Variants in CRYM observed in about 807,000 individuals in gnomAD.
The protein encoded by CRYM is crystallin mu, also known as ketimine reductase mu-crystallin.
In CRYM, 18 loss-of-function variants were observed where a neutral mutation model predicts 32.9. That is an observed-to-expected ratio of 0.55 (90% CI 0.38 to 0.81). The LOEUF (loss-of-function observed/expected upper bound fraction) is 0.81, where lower values mean the gene tolerates loss of function less well. CRYM is among the 30% of genes least tolerant of loss of function. CRYM has a pLI of 0.00. For missense variants in CRYM, 337 were observed against 393.5 expected (o/e 0.86, Z 1.21); for synonymous variants, 153 against 152.4 (o/e 1.00, Z -0.03).
At chr16:21,263,014 C>T (rs2093357448) in intron 5 of CRYM, among the ~76,000 whole-genome samples, 1 of 152,200 alleles carries the variant, frequency 6.6e-6, no homozygotes. Flanking sequence ...ATTCCCATTC[C>T]TCACCCTCAA....
At chr16:21,263,082 C>T (rs2093357589) in intron 5 of CRYM, among the ~76,000 whole-genome samples, 1 of 152,044 alleles carries the variant, frequency 6.6e-6, no homozygotes, top group African/African-American at 2.4e-5. Context: ...CTCTGTTGCC[C>T]AGGCTGGAGT....
intron 3 of CRYM, among the ~76,000 whole-genome samples, chr16:21,272,636 T>C (rs1215638376): frequency 6.9e-6 from 1 of 145,854 alleles, no homozygotes; most frequent in Non-Finnish European, 1.5e-5. Flanking sequence ...TGTAGTTTCA[T>C]ATTTATTGGT....
intron 1 of CRYM, among the ~76,000 whole-genome samples, chr16:21,287,089 C>CAA (rs71151633): frequency 8.8e-6 from 1 of 113,348 alleles, no homozygotes. Context: ...GACTCCGTCT[C>CAA]AAAAAAAAAA....
chr16:21,258,933 C>T (rs2093349335), intron 7 of CRYM, 88 bp from the exon 8 acceptor site: 5 of 1,043,074 alleles, frequency 4.8e-6, no homozygotes, highest in South Asian at 1.3e-5. Flanking sequence ...TTTCCTGATA[C>T]ATGTCCATGT....
chr16:21,277,350 C>A lies in CRYM; in HGVS notation c.324+81G>T. 1 of 1,484,080 alleles carries A rather than the reference C, an allele frequency of 6.7e-7. No homozygotes were observed. The highest frequency in any genetic ancestry group is 9.3e-7 in the Non-Finnish European group (1 of 1,080,858). The allele number at this position is 1,484,080 out of a possible 1,614,324, so 91.9% of individuals were successfully genotyped here. ...GCACGCGTAGTCACAATCAAGACTC[C>A]CCCTGCTGCGGAGAACTTACTTTTG... On this transcript the variant is annotated intron_variant, in intron 2 of 7. Transcript: ENST00000572914. This position sits in a 1 kb window ranked among gnomAD's most constrained non-coding sequence, Gnocchi z 4.2.
intron 3 of CRYM, among the ~76,000 whole-genome samples, chr16:21,274,988 G>A (rs1208743502): frequency 2.0e-5 from 3 of 152,154 alleles, no homozygotes; most frequent in East Asian, 1.9e-4. Context: ...CTAACATTTA[G>A]AACAGTGCCT....
intron 3 of CRYM, among the ~76,000 whole-genome samples, chr16:21,274,111 C>T (rs993718212): frequency 2.0e-5 from 3 of 152,230 alleles, no homozygotes; most frequent in Non-Finnish European, 4.4e-5. Context: ...AAACCAGTGT[C>T]CCAAGACCTT....
chr16:21,283,620 G>C (rs1450630790), intron 1 of CRYM: 2 of 151,436 alleles, frequency 1.3e-5, no homozygotes, highest in Non-Finnish European at 2.9e-5. Context: ...GAAGTATCTC[G>C]GAAGCCGGAG....
At chr16:21,269,703 G>C (rs2093370979) in intron 4 of CRYM, 87 bp downstream of exon 4, 1 of 900,206 alleles carries the variant, frequency 1.1e-6, no homozygotes, top group Non-Finnish European at 1.8e-6. Flanking sequence ...AATTATTTCA[G>C]AATAACCTGT....
chr16:21,278,431 A>AC (rs34128319), upstream of CRYM: 6 of 716,600 alleles, frequency 8.4e-6, no homozygotes, highest in East Asian at 1.3e-4. Flanking sequence ...GCCCACCTCG[A>AC]CCCCTAAGGG....
intron 1 of CRYM, among the ~76,000 whole-genome samples, chr16:21,289,016 C>A (rs1225801216): frequency 6.6e-6 from 1 of 151,968 alleles, no homozygotes; most frequent in Middle Eastern, 3.2e-3. Context: ...AATTAATGGT[C>A]TGTCCTGGAT....
chr16:21,286,274 A>G (rs1035933540), intron 1 of CRYM, among the ~76,000 whole-genome samples: 1 of 151,886 alleles, frequency 6.6e-6, no homozygotes, highest in Non-Finnish European at 1.5e-5. Flanking sequence ...CTGGAATGCA[A>G]TGGCGTGATC....
At chr16:21,287,006 C>T (rs889157595) in intron 1 of CRYM, among the ~76,000 whole-genome samples, 6 of 151,546 alleles carry the variant, frequency 4.0e-5, no homozygotes, top group South Asian at 2.1e-4. Flanking sequence ...AGGAGAATGG[C>T]GTGAACCCAG....
At chr16:21,280,320 C>T (rs371763405), upstream of CRYM, among the ~76,000 whole-genome samples, 1 of 152,136 alleles carries the variant, frequency 6.6e-6, no homozygotes. Flanking sequence ...ATGGAGGCTG[C>T]AATGAGCCAA....
chr16:21,286,002 T>TAAA (rs979691731), intron 1 of CRYM, among the ~76,000 whole-genome samples: 36 of 152,328 alleles, frequency 2.4e-4, no homozygotes, highest in African/African-American at 8.2e-4. Context: ...GGTTTTTTAT[T>TAAA]AGAGCTCTGG....
intron 1 of CRYM, among the ~76,000 whole-genome samples, chr16:21,289,596 C>T (rs1960564048): frequency 6.6e-6 from 1 of 152,112 alleles, no homozygotes; most frequent in Non-Finnish European, 1.5e-5. Context: ...GAAAGACATA[C>T]TTCTACCATT....
At chr16:21,294,506 C>T (rs546549467) in intron 1 of CRYM, among the ~76,000 whole-genome samples, 5 of 151,948 alleles carry the variant, frequency 3.3e-5, no homozygotes, top group South Asian at 4.2e-4. Context: ...TCTCCTTCCC[C>T]GCCACCCCCT....
intron 5 of CRYM, among the ~76,000 whole-genome samples, chr16:21,266,605 G>C (rs1013611008): frequency 2.0e-5 from 3 of 151,966 alleles, no homozygotes; most frequent in African/African-American, 7.2e-5. Context: ...AAATTTAAAG[G>C]TTTATAATTC....
intron 5 of CRYM, chr16:21,262,409 G>T (rs1020129111): frequency 2.4e-5 from 10 of 408,614 alleles, no homozygotes; most frequent in Admixed American, 2.4e-4. Flanking sequence ...CTTGAAGCCA[G>T]GAGTTTGAGA....
Sources: gnomAD v4.1 joint callset for allele counts (sites outside exome capture counted in the v4.1 genomes callset) on GRCh38, gnomAD v4.1.1 for gene constraint, Gnocchi (gnomAD v3.1) non-coding constraint, MANE v1.5 for transcripts, NCBI Gene and HGNC (gene_info 2026-07-23, HGNC 2026-07-21) for gene names.